Variants in LMBRD1 observed in about 807,000 individuals in gnomAD.
LMBRD1 encodes the protein LMBR1 domain containing 1.
LMBRD1 carries 64 observed loss-of-function variants against 74.8 expected under a neutral mutation model. The observed-to-expected ratio is 0.86, with a 90% CI of 0.70 to 1.05. The LOEUF is 1.05. Among genes scored for constraint, LMBRD1 ranks in the 50% least tolerant of loss-of-function variants. The probability of loss-of-function intolerance (pLI) is 0.00; values close to 1 mark genes in which losing one functional copy is unlikely to be tolerated. For missense variants in LMBRD1, 652 were observed against 645.9 expected, an observed-to-expected ratio of 1.01 and a Z score of -0.10; for synonymous variants, 204 against 216.3, an observed-to-expected ratio of 0.94 and a Z score of 0.50.
chr6:69,719,952 G>T (rs1766577988), intron 7 of LMBRD1, among the ~76,000 whole-genome samples: 1 of 152,154 alleles, frequency 6.6e-6, no homozygotes, highest in Non-Finnish European at 1.5e-5. Context: ...CCACGTTTTA[G>T]GCATGACCCC....
At chr6:69,718,025 A>C (rs1227268297) in intron 8 of LMBRD1, among the ~76,000 whole-genome samples, 1 of 152,152 alleles carries the variant, frequency 6.6e-6, no homozygotes, top group Non-Finnish European at 1.5e-5. Flanking sequence ...CTTTCATAAG[A>C]AAGCCGGTAT....
intron 7 of LMBRD1, among the ~76,000 whole-genome samples, chr6:69,720,030 T>C (rs1206621589): frequency 6.6e-6 from 1 of 152,204 alleles, no homozygotes; most frequent in Non-Finnish European, 1.5e-5. Flanking sequence ...AGCTGTCAAC[T>C]CCAAGAATGA....
intron 2 of LMBRD1, among the ~76,000 whole-genome samples, chr6:69,782,380 T>C (rs1765855443): frequency 6.6e-6 from 1 of 152,186 alleles, no homozygotes; most frequent in South Asian, 2.1e-4. Context: ...GAACTACTTG[T>C]ACCTACTCAG....
chr6:69,680,135 A>C (rs1324631793), intron 14 of LMBRD1, among the ~76,000 whole-genome samples: 1 of 152,116 alleles, frequency 6.6e-6, no homozygotes, highest in Non-Finnish European at 1.5e-5. Flanking sequence ...ACCTTTAAAT[A>C]ACCAATTTGA....
At chr6:69,765,521 T>C (rs530030751) in intron 3 of LMBRD1, among the ~76,000 whole-genome samples, 1 of 152,186 alleles carries the variant, frequency 6.6e-6, no homozygotes. Context: ...TTTTATATTA[T>C]GTTTTGAGAT....
chr6:69,713,313 A>C (rs1766422145), intron 9 of LMBRD1, among the ~76,000 whole-genome samples: 2 of 152,286 alleles, frequency 1.3e-5, no homozygotes, highest in Admixed American at 1.3e-4. Flanking sequence ...TGAATCTGTA[A>C]ATCTACTAGG....
intron 14 of LMBRD1, among the ~76,000 whole-genome samples, chr6:69,684,844 C>G (rs1328368048): frequency 6.6e-6 from 1 of 152,000 alleles, no homozygotes; most frequent in Admixed American, 6.6e-5. Context: ...GGGTTTCATC[C>G]AACAGATAAA....
intron 2 of LMBRD1, among the ~76,000 whole-genome samples, chr6:69,783,795 G>C (rs1765888327): frequency 6.6e-6 from 1 of 151,964 alleles, no homozygotes; most frequent in Non-Finnish European, 1.5e-5. Context: ...AGCCCCAGGA[G>C]GTAGTAATGT....
intron 9 of LMBRD1, among the ~76,000 whole-genome samples, chr6:69,709,556 C>T (rs1383337180): frequency 2.0e-5 from 3 of 152,082 alleles, no homozygotes. Flanking sequence ...CTGGAGGTTT[C>T]AGCCAGTGAA....
chr6:69,707,688 T>C (rs1766290228), intron 9 of LMBRD1, among the ~76,000 whole-genome samples: 1 of 152,188 alleles, frequency 6.6e-6, no homozygotes, highest in Non-Finnish European at 1.5e-5. Flanking sequence ...TTCACATTTG[T>C]TGATATTATG....
chr6:69,763,980 T>C (rs574233743), intron 3 of LMBRD1, among the ~76,000 whole-genome samples: 74 of 152,228 alleles, frequency 4.9e-4, no homozygotes, highest in Non-Finnish European at 8.4e-4. Flanking sequence ...TAAATTTTAC[T>C]TGTGGTCACA....
intron 14 of LMBRD1, among the ~76,000 whole-genome samples, chr6:69,691,352 T>G (rs1177829208): frequency 1.3e-5 from 2 of 152,188 alleles, no homozygotes; most frequent in Non-Finnish European, 2.9e-5. Context: ...ATGATTAAAC[T>G]AGCTAGATGA....
Position 69,749,388 on chromosome 6 carries a change from C to T in LMBRD1, c.426G>A (p.Lys142=), listed in dbSNP as rs1765071337. Residue 142 remains lysine (K), a synonymous_variant, in exon 5 of 16, where the codon AAG becomes AAA. Transcript: ENST00000649934. ...SKCTQIKTAL[K]YTLGFVVICA... ...AAATCACAACAAATCCCAAAGTATACTTGAGTGCCGTTTTAATTTGCTAGA... is the reference window on the plus strand; with the variant it reads ...AAATCACAACAAATCCCAAAGTATATTTGAGTGCCGTTTTAATTTGCTAGA... 2 of 1,611,454 alleles carry T rather than the reference C, an allele frequency of 1.2e-6. No homozygotes were observed. Among genetic ancestry groups the T allele is most frequent in the African/African-American group, 2.7e-5 (2 of 74,462 alleles).
At chr6:69,761,253 A>G (rs1385310698) in intron 3 of LMBRD1, among the ~76,000 whole-genome samples, 1 of 152,050 alleles carries the variant, frequency 6.6e-6, no homozygotes, top group Non-Finnish European at 1.5e-5. Context: ...CCCCATGGAT[A>G]TTTTTGGTTA....
rs772645667 is a variant in LMBRD1 at position 69,780,571 on chromosome 6, C to T, written c.247-17G>A. ...AGCCCAGTCCTAGGATAAAAGGAAA[C>T]AATAGAAATATTAATGAAACACCCA... On this transcript the variant is annotated splice_polypyrimidine_tract_variant and intron_variant, in intron 2 of 15. Transcript: ENST00000649934. 1.9e-6 allele frequency: 3 copies of T among 1,588,544 alleles called. No individual in the cohort carries two copies. Among genetic ancestry groups the T allele is most frequent in the Non-Finnish European group, 2.6e-6 (3 of 1,158,142 alleles).
intron 9 of LMBRD1, among the ~76,000 whole-genome samples, chr6:69,712,705 T>C (rs1404271147): frequency 1.3e-5 from 2 of 152,018 alleles, no homozygotes; most frequent in African/African-American, 4.8e-5. Flanking sequence ...ATTAGAATAG[T>C]AGTTACCAGG....
Position 69,763,909 on chromosome 6 carries a change from A to G in LMBRD1, c.308-11553T>C, listed in dbSNP as rs146363774. Among the ~76,000 whole-genome samples the G allele has an allele frequency of 2.5e-3, 386 of 152,298 alleles. 2 individuals are homozygous for G. The highest frequency in any genetic ancestry group is 4.3e-3 in the Non-Finnish European group (291 of 68,014). On this transcript the variant is annotated intron_variant, in intron 3 of 15. Coordinates refer to ENST00000649934, the MANE Select transcript of LMBRD1 (RefSeq NM_018368.4). ...TATACCTGTACTGCCATTATATTTT[A>G]AAAGCAAATAACTTATCTGGTTTTA...
intron 3 of LMBRD1, among the ~76,000 whole-genome samples, chr6:69,769,929 C>G (rs1219227290): frequency 6.6e-6 from 1 of 152,150 alleles, no homozygotes; most frequent in Non-Finnish European, 1.5e-5. Flanking sequence ...TGCCAATGAA[C>G]CTGCATATTG....
chr6:69,735,791 A>T (rs1582103258), intron 7 of LMBRD1, among the ~76,000 whole-genome samples: 2 of 152,184 alleles, frequency 1.3e-5, no homozygotes, highest in Non-Finnish European at 2.9e-5. Context: ...GGGGCTTCAA[A>T]ACTCAATCAG....
Sources: allele counts gnomAD v4.1 joint callset (sites outside exome capture counted in the v4.1 genomes callset), GRCh38; gene constraint gnomAD v4.1.1; transcripts MANE v1.5; gene names NCBI Gene and HGNC (gene_info 2026-07-23, HGNC 2026-07-21).